The following NME7 variants were observed in gnomAD, a reference collection of about 807,000 sequenced individuals.
NME7 encodes nucleoside diphosphate kinase 7.
A neutral mutation model predicts 49.1 loss-of-function variants in NME7; 41 were observed. The ratio of observed to expected loss-of-function variants is 0.83; its 90% CI spans 0.65 to 1.08. The LOEUF (loss-of-function observed/expected upper bound fraction) is 1.08. NME7 is among the 50% of genes least tolerant of loss of function. The probability of loss-of-function intolerance (pLI) is 0.00; values close to 1 mark genes in which losing one functional copy is unlikely to be tolerated. For missense variants in NME7, 423 were observed against 463.4 expected (o/e 0.91, Z 0.80); for synonymous variants, 139 against 150.6 (o/e 0.92, Z 0.56).
chr1:169,143,273 CTTTTTTT>C (rs71299493), intron 11 of NME7, among the ~76,000 whole-genome samples: 3 of 98,178 alleles, frequency 3.1e-5, no homozygotes, highest in African/African-American at 1.1e-4. Flanking sequence ...TCACCTCAGG[CTTTTTTT>C]TTTTTTTTTT....
intron 7 of NME7, among the ~76,000 whole-genome samples, chr1:169,274,382 G>C (rs1649615000): frequency 7.5e-6 from 1 of 132,900 alleles, no homozygotes; most frequent in South Asian, 2.3e-4. Context: ...TGTCAGAAGA[G>C]TAGGTTGCGA....
intron 1 of NME7, among the ~76,000 whole-genome samples, chr1:169,338,505 T>TA (rs1171744749): frequency 2.6e-5 from 4 of 152,234 alleles, no homozygotes; most frequent in African/African-American, 7.2e-5. Context: ...TGGAATCGTT[T>TA]AAAAAGGCAC....
chr1:169,231,704 G>T (rs1487181900), intron 9 of NME7, among the ~76,000 whole-genome samples: 1 of 151,268 alleles, frequency 6.6e-6, no homozygotes, highest in Non-Finnish European at 1.5e-5. Flanking sequence ...AGAGTGAAAG[G>T]CCTTTTTATA....
At chr1:169,326,177 C>T (rs943252310) in intron 1 of NME7, among the ~76,000 whole-genome samples, 2 of 152,048 alleles carry the variant, frequency 1.3e-5, no homozygotes, top group African/African-American at 4.8e-5. Context: ...TGTAGCCTAT[C>T]CACCAAACCT....
intron 7 of NME7, among the ~76,000 whole-genome samples, chr1:169,250,275 T>G (rs1273679393): frequency 6.6e-6 from 1 of 152,096 alleles, no homozygotes; most frequent in African/African-American, 2.4e-5. Context: ...GTGTTCACAG[T>G]GGTCTCAAAT....
chr1:169,137,550 C>T (rs575855047), intron 11 of NME7, among the ~76,000 whole-genome samples: 3 of 152,292 alleles, frequency 2.0e-5, no homozygotes, highest in Non-Finnish European at 4.4e-5. Context: ...TGTGATGGCG[C>T]TCTGCAGCCT....
rs1300753461 is a variant in NME7 at position 169,343,074 on chromosome 1, A to G, written c.4-18574T>C. 2.7e-5 allele frequency among the ~76,000 whole-genome samples: 4 copies of G among 149,158 alleles called. No individual in the cohort carries two copies. The East Asian group carries it at 5.9e-4, about 22-fold the overall frequency. ...GACTCAGAATGATCCTTTGGGATAG[A>G]GGTCCTTCCTGTCTCACATTGCCAG... is the stretch of plus-strand genomic sequence containing the variant. On this transcript the variant is annotated intron_variant, in intron 1 of 11. Coordinates refer to ENST00000367811, the MANE Select transcript of NME7 (RefSeq NM_013330.5).
At chr1:169,335,263 G>T (rs527982926) in intron 1 of NME7, among the ~76,000 whole-genome samples, 71 of 152,212 alleles carry the variant, frequency 4.7e-4, no homozygotes, top group African/African-American at 1.5e-3. Context: ...GCACACATAT[G>T]TTTTCTGCAG....
intron 10 of NME7, among the ~76,000 whole-genome samples, chr1:169,225,135 G>A (rs560020217): frequency 1.3e-5 from 2 of 152,250 alleles, no homozygotes; most frequent in South Asian, 4.1e-4. Context: ...GACAGAGAGA[G>A]TATCACTTTT....
chr1:169,223,249 TTTAA>T (rs1299419906), intron 10 of NME7, among the ~76,000 whole-genome samples: 1 of 152,184 alleles, frequency 6.6e-6, no homozygotes, highest in African/African-American at 2.4e-5. Context: ...TGGTATATGA[TTTAA>T]TTTTCCTCCA....
At chr1:169,139,248 T>C (rs1658521422) in intron 11 of NME7, among the ~76,000 whole-genome samples, 1 of 152,236 alleles carries the variant, frequency 6.6e-6, no homozygotes, top group Non-Finnish European at 1.5e-5. Flanking sequence ...TCTTAAAAAA[T>C]GAAGTTCTTG....
rs1448265791 is a variant in NME7, at chr1:169,350,240, A to AGG, written c.3+17467_3+17468insCC. Among the ~76,000 whole-genome samples the AGG allele has an allele frequency of 3.4e-3, 460 of 133,866 alleles. 3 individuals are homozygous for AGG. Among genetic ancestry groups the AGG allele is most frequent in the Non-Finnish European group, 4.2e-3 (249 of 59,628 alleles). The allele number at this position is 133,866 out of a possible 152,430, so 87.8% of individuals were successfully genotyped here. A position where few individuals can be genotyped will look rare whatever the true frequency, so the allele number is the denominator to read the frequency against. ...AAGGGAGAAAAGAAAGAAAGAAAGA[A>AGG]AGAAAGAAGGAAGGAAGGAAGGAAG... is the stretch of plus-strand genomic sequence containing the variant. On this transcript the variant is annotated intron_variant, in intron 1 of 11. Transcript: ENST00000367811.
At chr1:169,191,059 G>T (rs1188732911) in intron 10 of NME7, among the ~76,000 whole-genome samples, 1 of 61,872 alleles carries the variant, frequency 1.6e-5, no homozygotes. Flanking sequence ...TGATCCACCC[G>T]CCTCGGCCTC....
In NME7 at chr1:169,270,400, A is replaced by T. The variant is rs1297741027; in HGVS notation, c.754+16903T>A. Among the ~76,000 whole-genome samples, 4 of 133,646 alleles carry T rather than the reference A, an allele frequency of 3.0e-5. 1 individual carries two copies. The highest frequency in any genetic ancestry group is 7.0e-5 in the Non-Finnish European group (4 of 56,916). 87.7% of individuals were successfully genotyped at this position (133,646 alleles called of 152,430 possible). On this transcript the variant is annotated intron_variant, in intron 7 of 11. Coordinates refer to ENST00000367811, the MANE Select transcript of NME7 (RefSeq NM_013330.5). Reference sequence around the variant, plus strand: ...TAGGCAATCAAAAAATAGCTACTGAATCAACCAGATGTAAGCAATAAACCT... The same window carrying T: ...TAGGCAATCAAAAAATAGCTACTGATTCAACCAGATGTAAGCAATAAACCT...
intron 10 of NME7, among the ~76,000 whole-genome samples, chr1:169,216,662 T>C (rs1469311836): frequency 6.6e-6 from 1 of 152,218 alleles, no homozygotes; most frequent in African/African-American, 2.4e-5. Context: ...CAAAACAATC[T>C]GGGAATTGCA....
intron 1 of NME7, among the ~76,000 whole-genome samples, chr1:169,352,519 C>G (rs1204024538): frequency 1.3e-5 from 2 of 152,076 alleles, no homozygotes; most frequent in African/African-American, 4.8e-5. Context: ...AGATCTGGAA[C>G]ATGACAAGGT....
At position 169,247,925 on chromosome 1, in the gene NME7, G is replaced by C. The variant is rs532354983; in HGVS notation, c.755-10238C>G. On this transcript the variant is annotated intron_variant, in intron 7 of 11. Coordinates refer to ENST00000367811, the MANE Select transcript of NME7 (RefSeq NM_013330.5). ...ATTGGTTCCATACGTTTGCAACTGT[G>C]AATTGTGTTGCAATAAACATATGCG... Among the ~76,000 whole-genome samples the C allele has an allele frequency of 5.9e-5, 9 of 152,220 alleles. No homozygotes were observed. The East Asian group carries it at 1.7e-3, about 29-fold the overall frequency.
At chr1:169,309,129 T>C (rs1054904004) in intron 4 of NME7, among the ~76,000 whole-genome samples, 2 of 152,238 alleles carry the variant, frequency 1.3e-5, no homozygotes, top group Non-Finnish European at 2.9e-5. Context: ...AAATGAGGCA[T>C]GCATAATTTG....
At chr1:169,137,143 T>C (rs1359330445) in intron 11 of NME7, among the ~76,000 whole-genome samples, 1 of 152,252 alleles carries the variant, frequency 6.6e-6, no homozygotes, top group East Asian at 1.9e-4. Flanking sequence ...TCAGTGTATT[T>C]AGTAGATGAC....
Sources: gnomAD v4.1 joint callset for allele counts (sites outside exome capture counted in the v4.1 genomes callset) on GRCh38, gnomAD v4.1.1 for gene constraint, MANE v1.5 for transcripts, NCBI Gene and HGNC (gene_info 2026-07-23, HGNC 2026-07-21) for gene names.